The following CLDN6 variants were observed in gnomAD, a reference collection of about 807,000 sequenced individuals.
CLDN6 encodes the protein claudin 6.
For synonymous variants in CLDN6, 144 were observed against 131.2 expected (o/e 1.10, Z -0.67); for missense variants, 279 against 284.1 (o/e 0.98, Z 0.13).
rs1470879830 is a variant in CLDN6, at chr16:3,015,114, GT to G, written c.*244del. The G allele has an allele frequency of 2.2e-5, 10 of 453,852 alleles. No homozygotes were observed. The highest frequency in any genetic ancestry group is 2.0e-4 in the African/African-American group (10 of 49,866). 28.1% of individuals were successfully genotyped at this position (453,852 alleles called of 1,614,324 possible). ...CTTGACTGGCTTCTAAGATGGGCAT[GT>G]CAAGATCCAGAATCTCAAAGCATCC... On this transcript the variant is annotated 3_prime_UTR_variant, in exon 2 of 2. Coordinates refer to ENST00000328796, the MANE Select transcript of CLDN6 (RefSeq NM_021195.5).
At position 3,015,159 on chromosome 16, in the gene CLDN6, C is replaced by T. The variant is rs2072556831; in HGVS notation, c.*200G>A. On this transcript the variant is annotated 3_prime_UTR_variant, in exon 2 of 2. Coordinates refer to ENST00000328796, the MANE Select transcript of CLDN6 (RefSeq NM_021195.5). ...AGCATCCCCTCTTTGGCTCCATCAT[C>T]CAAGGGTGAGAAACAGCAGAGCCTA... 1 of 489,794 alleles carries T rather than the reference C, an allele frequency of 2.0e-6. No homozygotes were observed. The highest frequency in any genetic ancestry group is 3.5e-6 in the Non-Finnish European group (1 of 283,112). The allele number at this position is 489,794 out of a possible 1,614,324, so 30.3% of individuals were successfully genotyped here.
chr16:3,017,005 G>A (rs1434437272), intron 1 of CLDN6, among the ~76,000 whole-genome samples: 4 of 146,756 alleles, frequency 2.7e-5, no homozygotes, highest in African/African-American at 1.1e-4. Flanking sequence ...GGCGGGTCTC[G>A]AACTCCTGAC....
Position 3,015,879 on chromosome 16 carries a change from T to G in CLDN6, c.143A>C (p.Glu48Ala). Residue 48 changes from glutamate (E) to alanine (A), a missense_variant, in exon 2 of 2, where the codon GAG becomes GCG. Transcript: ENST00000328796. ...CACCACGCAGGACATCCACAGGCCC[T>G]CCCACACCACCTGGGCCACCACGAT... ...NSIVVAQVVW[E>A]GLWMSCVVQS... is the part of the protein sequence containing the mutation. 6.2e-7 allele frequency: 1 copy of G among 1,614,190 alleles called. No individual in the cohort carries two copies. The highest frequency in any genetic ancestry group is 8.5e-7 in the Non-Finnish European group (1 of 1,180,032).
In CLDN6 at chr16:3,015,273, A is replaced by G; in HGVS notation, c.*86T>C. On this transcript the variant is annotated 3_prime_UTR_variant, in exon 2 of 2. Transcript: ENST00000328796. ...AAGAAAAATAGCAGGAGGCAGAAAC[A>G]AAAGGTACGAACCCATCCCAAAGCT... is the stretch of plus-strand genomic sequence containing the variant. 1 of 1,198,674 alleles carries G rather than the reference A, an allele frequency of 8.3e-7. No homozygotes were observed. Among genetic ancestry groups the G allele is most frequent in the Non-Finnish European group, 1.2e-6 (1 of 869,094 alleles). The allele number at this position is 1,198,674 out of a possible 1,614,324, so 74.3% of individuals were successfully genotyped here. A position where few individuals can be genotyped will look rare whatever the true frequency, so the allele number is the denominator to read the frequency against.
intron 1 of CLDN6, 80 bp from the exon 2 acceptor site, chr16:3,016,122 G>T: frequency 7.7e-7 from 1 of 1,300,290 alleles, no homozygotes. Context: ...GACTCTAGGG[G>T]CATGCACCCT....
Position 3,015,263 on chromosome 16 carries a change from A to G in CLDN6, c.*96T>C, listed in dbSNP as rs2072557412. The G allele has an allele frequency of 1.9e-6, 2 of 1,055,488 alleles. No individual in the cohort carries two copies. Among genetic ancestry groups the G allele is most frequent in the South Asian group, 3.9e-5 (2 of 50,656 alleles). 65.4% of individuals were successfully genotyped at this position (1,055,488 alleles called of 1,614,324 possible). ...CCTCAGTCAAAAGAAAAATAGCAGGAGGCAGAAACAAAAGGTACGAACCCA... is the reference window on the plus strand; with the variant it reads ...CCTCAGTCAAAAGAAAAATAGCAGGGGGCAGAAACAAAAGGTACGAACCCA... On this transcript the variant is annotated 3_prime_UTR_variant, in exon 2 of 2. Coordinates refer to ENST00000328796, the MANE Select transcript of CLDN6 (RefSeq NM_021195.5).
At position 3,016,642 on chromosome 16, in the gene CLDN6, G is replaced by A. The variant is rs1421142805; in HGVS notation, c.-21-600C>T. 9.7e-5 allele frequency among the ~76,000 whole-genome samples: 13 copies of A among 133,374 alleles called. No homozygotes were observed. The South Asian group carries it at 2.0e-3, about 21-fold the overall frequency. The allele number at this position is 133,374 out of a possible 152,430, so 87.5% of individuals were successfully genotyped here. A position where few individuals can be genotyped will look rare whatever the true frequency, so the allele number is the denominator to read the frequency against. ...ATTACAGGTGCACACCACCACGCCCGGCTAATTTTTTTTTTTTTTTTTTAA... is the reference window on the plus strand; with the variant it reads ...ATTACAGGTGCACACCACCACGCCCAGCTAATTTTTTTTTTTTTTTTTTAA... On this transcript the variant is annotated intron_variant, in intron 1 of 1. Coordinates refer to ENST00000328796, the MANE Select transcript of CLDN6 (RefSeq NM_021195.5).
intron 1 of CLDN6, among the ~76,000 whole-genome samples, chr16:3,016,870 G>C (rs1023400451): frequency 2.6e-5 from 4 of 151,764 alleles, no homozygotes; most frequent in African/African-American, 7.3e-5. Context: ...GGATGGTCTC[G>C]ATCTCCTGAC....
In CLDN6 at chr16:3,015,945, G is replaced by T. The variant is rs757624521; in HGVS notation, c.77C>A (p.Ala26Asp). ...AGCGGTCACCTTCCACATGGGCAGGGCACAGGAGACCAGGCCATTCACCCA... is the reference window on the plus strand; with the variant it reads ...AGCGGTCACCTTCCACATGGGCAGGTCACAGGAGACCAGGCCATTCACCCA... ...LGWVNGLVSC[A>D]LPMWKVTAFI... Residue 26 changes from alanine (A) to aspartate (D), a missense_variant, in exon 2 of 2, where the codon GCC becomes GAC. Transcript: ENST00000328796. 1.2e-6 allele frequency: 2 copies of T among 1,614,234 alleles called. No individual in the cohort carries two copies. The highest frequency in any genetic ancestry group is 4.5e-5 in the East Asian group (2 of 44,886).
At position 3,016,024 on chromosome 16, in the gene CLDN6, C is replaced by G; in HGVS notation, c.-3G>C. On this transcript the variant is annotated 5_prime_UTR_variant, in exon 2 of 2. Transcript: ENST00000328796. ...ATCTGCATTCCGGCAGAGGCCATGG[C>G]GAGGTTGAAGGAGCTGCACTGTGTT... 3 of 1,612,062 alleles carry G rather than the reference C, an allele frequency of 1.9e-6. No homozygotes were observed. The highest frequency in any genetic ancestry group is 2.5e-6 in the Non-Finnish European group (3 of 1,178,790).
In CLDN6 at chr16:3,015,284, A is replaced by G. The variant is rs1596468009; in HGVS notation, c.*75T>C. ...CAGGAGGCAGAAACAAAAGGTACGA[A>G]CCCATCCCAAAGCTGTTGGGCACTG... is the stretch of plus-strand genomic sequence containing the variant. On this transcript the variant is annotated 3_prime_UTR_variant, in exon 2 of 2. Transcript: ENST00000328796. 7.6e-7 allele frequency: 1 copy of G among 1,324,138 alleles called. No individual in the cohort carries two copies. The highest frequency in any genetic ancestry group is 2.3e-5 in the East Asian group (1 of 42,820). 82.0% of individuals were successfully genotyped at this position (1,324,138 alleles called of 1,614,324 possible).
Position 3,015,522 on chromosome 16 carries a change from C to T in CLDN6, c.500G>A (p.Gly167Asp). The change falls in exon 2 of 2, where the codon GGC (glycine) becomes GAC (aspartate). Residue 167 changes from glycine to aspartate, a missense_variant. Coordinates refer to ENST00000328796, the MANE Select transcript of CLDN6 (RefSeq NM_021195.5). ...KRELGASLYL[G>D]WAASGLLLLG... is the part of the protein sequence containing the mutation. ...CAACAAAAGGCCTGAGGCCGCCCAG[C>T]CCAAGTAGAGGGAGGCCCCCAGCTC... The T allele has an allele frequency of 6.2e-7, 1 of 1,612,788 alleles. No homozygotes were observed. Among genetic ancestry groups the T allele is most frequent in the Non-Finnish European group, 8.5e-7 (1 of 1,179,782 alleles).
At chr16:3,017,536 G>C (rs2072575363) in intron 1 of CLDN6, among the ~76,000 whole-genome samples, 1 of 152,150 alleles carries the variant, frequency 6.6e-6, no homozygotes, top group Non-Finnish European at 1.5e-5. Flanking sequence ...GGCAGCGGTC[G>C]GAGGGCAGGC....
intron 1 of CLDN6, among the ~76,000 whole-genome samples, chr16:3,017,324 G>A (rs772244226): frequency 1.3e-5 from 2 of 152,164 alleles, no homozygotes; most frequent in African/African-American, 2.4e-5. Flanking sequence ...CAAGGCTGAG[G>A]GCCTTTTCCT....
In CLDN6 at chr16:3,015,549, C is replaced by G; in HGVS notation, c.473G>C (p.Arg158Pro). Residue 158 changes from arginine to proline, a missense_variant, in exon 2 of 2, where the codon CGG becomes CCG. Physicochemically the swap from Arg to Pro is moderately radical, Grantham distance 103. Transcript: ENST00000328796. The part of the protein sequence containing the change: ...YNPLVAEAQK[R>P]ELGASLYLGW... Reference sequence around the variant, plus strand: ...CAAGTAGAGGGAGGCCCCCAGCTCCCGCTTTTGGGCCTCAGCCACCAGGGG... The same window carrying G: ...CAAGTAGAGGGAGGCCCCCAGCTCCGGCTTTTGGGCCTCAGCCACCAGGGG... 10 of 1,613,030 alleles carry G rather than the reference C, an allele frequency of 6.2e-6. No individual in the cohort carries two copies. The highest frequency in any genetic ancestry group is 8.5e-6 in the Non-Finnish European group (10 of 1,179,952).
chr16:3,015,841 G>C lies in CLDN6; in HGVS notation c.181C>G (p.Gln61Glu). 1.9e-6 allele frequency: 3 copies of C among 1,614,206 alleles called. No homozygotes were observed. The South Asian group carries it at 3.3e-5, about 18-fold the overall frequency. Residue 61 changes from glutamine (Q) to glutamate (E), a missense_variant, in exon 2 of 2, where the codon CAG becomes GAG. Physicochemically the swap from Gln to Glu is conservative, Grantham distance 29. Coordinates refer to ENST00000328796, the MANE Select transcript of CLDN6 (RefSeq NM_021195.5). ...WMSCVVQSTG[Q>E]MQCKVYDSLL... ...GAGTCGTACACCTTGCACTGCATCT[G>C]GCCGGTGCTCTGCACCACGCAGGAC...
chr16:3,016,777 A>G (rs1398514602), intron 1 of CLDN6, among the ~76,000 whole-genome samples: 2 of 151,394 alleles, frequency 1.3e-5, no homozygotes, highest in Admixed American at 1.3e-4. Flanking sequence ...CCTCCCGAGT[A>G]GCTGGGACTA....
In CLDN6 at chr16:3,015,245, C is replaced by A; in HGVS notation, c.*114G>T. The A allele has an allele frequency of 1.1e-6, 1 of 945,426 alleles. No homozygotes were observed. Among genetic ancestry groups the A allele is most frequent in the South Asian group, 2.1e-5 (1 of 48,090 alleles). The allele number at this position is 945,426 out of a possible 1,614,324, so 58.6% of individuals were successfully genotyped here. ...CAAATGAATTTTAAATATCCTCAGT[C>A]AAAAGAAAAATAGCAGGAGGCAGAA... is the stretch of plus-strand genomic sequence containing the variant. On this transcript the variant is annotated 3_prime_UTR_variant, in exon 2 of 2. Transcript: ENST00000328796.
chr16:3,018,004 G>C (rs1371797621), intron 1 of CLDN6, 145 bp downstream of exon 1: 2 of 152,018 alleles, frequency 1.3e-5, no homozygotes, highest in African/African-American at 4.8e-5. Context: ...CGGAGGCTTG[G>C]GCGCGGACCG....
Sources: gnomAD v4.1 joint callset for allele counts (sites outside exome capture counted in the v4.1 genomes callset) on GRCh38, gnomAD v4.1.1 for gene constraint, MANE v1.5 for transcripts, NCBI Gene and HGNC (gene_info 2026-07-23, HGNC 2026-07-21) for gene names.